The following SLC36A1 variants were observed in gnomAD, a reference collection of about 807,000 sequenced individuals.
SLC36A1 encodes the protein solute carrier family 36 member 1.
SLC36A1 carries 30 observed loss-of-function variants against 47.5 expected under a neutral mutation model. The observed-to-expected ratio is 0.63, with a 90% confidence interval of 0.47 to 0.86. The LOEUF (loss-of-function observed/expected upper bound fraction) is 0.86. SLC36A1 is among the 40% of genes least tolerant of loss of function. The pLI is 0.00. For missense variants in SLC36A1, 517 were observed against 606.0 expected, an observed-to-expected ratio of 0.85 and a Z score of 1.54; for synonymous variants, 255 against 249.7, an observed-to-expected ratio of 1.02 and a Z score of -0.20.
the SLC36A1 span, among the ~76,000 whole-genome samples, chr5:151,367,836 G>A: frequency 1.4e-3 from 206 of 152,304 alleles, no homozygotes; most frequent in Non-Finnish European, 2.3e-3. Flanking sequence ...TCCCGTAACA[G>A]TAGAACATTT....
the SLC36A1 span, among the ~76,000 whole-genome samples, chr5:151,384,972 ATGTGTGTG>A: frequency 7.0e-6 from 1 of 142,190 alleles, no homozygotes; most frequent in Non-Finnish European, 1.5e-5. Context: ...TGAGGTGTGT[ATGTGTGTG>A]TGTGTGGGTG....
intron 10 of SLC36A1, among the ~76,000 whole-genome samples, chr5:151,481,435 T>G (rs1356261263): frequency 2.6e-5 from 4 of 152,262 alleles, no homozygotes; most frequent in Non-Finnish European, 5.9e-5. Context: ...GTTCATTTTG[T>G]TCTTGCTTCT....
rs34668619 is a variant in SLC36A1, at chr5:151,476,595, G to T, written c.828G>T (p.Leu276=). The change falls in exon 9 of 11, where the codon CTG becomes CTT. Residue 276 remains leucine (L), a synonymous_variant. Transcript: ENST00000243389. ...CTCTCACTACTCTCTCATAGGTTCT[G>T]CCCCTGGAAAACAAAATGAAGGATC... ...IFSFEGIGMV[L]PLENKMKDPR... The T allele has an allele frequency of 4.1e-4, 646 of 1,581,576 alleles. 3 individuals are homozygous for T. In the African/African-American group the frequency reaches 8.1e-3, roughly 20 times the overall value.
chr5:151,493,517 C>T (rs1258402811), downstream of SLC36A1, among the ~76,000 whole-genome samples: 1 of 152,188 alleles, frequency 6.6e-6, no homozygotes, highest in Non-Finnish European at 1.5e-5. Flanking sequence ...TAGAGTAGCT[C>T]ATAGAACTCA....
At chr5:151,416,661 A>T in the SLC36A1 span, among the ~76,000 whole-genome samples, 2 of 145,504 alleles carry the variant, frequency 1.4e-5, no homozygotes, top group Non-Finnish European at 3.1e-5. Context: ...TCAGGGTGTC[A>T]GGGTGTCCCC....
chr5:151,369,756 A>G, the SLC36A1 span, among the ~76,000 whole-genome samples: 7 of 152,226 alleles, frequency 4.6e-5, no homozygotes, highest in African/African-American at 1.7e-4. Flanking sequence ...TGTTGGGATT[A>G]CAGGCATAAG....
At chr5:151,472,449 A>G (rs1324801843) in intron 7 of SLC36A1, among the ~76,000 whole-genome samples, 1 of 152,250 alleles carries the variant, frequency 6.6e-6, no homozygotes, top group Admixed American at 6.5e-5. Flanking sequence ...CGCAGGAACA[A>G]TACTTTGCCT....
At chr5:151,516,494 C>T in the SLC36A1 span, among the ~76,000 whole-genome samples, 105 of 152,176 alleles carry the variant, frequency 6.9e-4, no homozygotes, top group African/African-American at 2.4e-3. Context: ...CCAGCCTGGG[C>T]GACAGAGTGA....
the SLC36A1 span, among the ~76,000 whole-genome samples, chr5:151,540,932 A>G: frequency 1.3e-5 from 2 of 152,240 alleles, no homozygotes; most frequent in African/African-American, 2.4e-5. Flanking sequence ...TTTTGGTGTT[A>G]TGAAGCTACT....
chr5:151,514,938 C>G, the SLC36A1 span, among the ~76,000 whole-genome samples: 1 of 152,186 alleles, frequency 6.6e-6, no homozygotes, highest in Non-Finnish European at 1.5e-5. Context: ...TTGCTCTAAT[C>G]TTTATTTTCA....
chr5:151,346,034 C>T, the SLC36A1 span, among the ~76,000 whole-genome samples: 2 of 152,244 alleles, frequency 1.3e-5, no homozygotes, highest in African/African-American at 4.8e-5. Flanking sequence ...ATCGTTGCCA[C>T]GCTTACTCAG....
the SLC36A1 span, chr5:151,521,494 G>A: frequency 6.2e-7 from 1 of 1,614,236 alleles, no homozygotes; most frequent in Non-Finnish European, 8.5e-7. Flanking sequence ...GATGATGGAT[G>A]CTAGCTCCTG....
chr5:151,453,627 A>G (rs1034558728), intron 1 of SLC36A1, among the ~76,000 whole-genome samples: 1 of 152,178 alleles, frequency 6.6e-6, no homozygotes, highest in African/African-American at 2.4e-5. Context: ...GAAATCATCT[A>G]ATGCAGTTTT....
downstream of SLC36A1, among the ~76,000 whole-genome samples, chr5:151,497,350 A>T (rs1033537870): frequency 7.2e-5 from 11 of 152,196 alleles, no homozygotes; most frequent in African/African-American, 2.7e-4. Context: ...ATATGATCGT[A>T]TAGTTTTTCT....
the SLC36A1 span, chr5:151,531,705 G>T: frequency 6.2e-7 from 1 of 1,613,742 alleles, no homozygotes; most frequent in Admixed American, 1.7e-5. This position sits in a 1 kb window ranked among gnomAD's most constrained non-coding sequence, Gnocchi z 5.7. Context: ...TGCCAGGTGG[G>T]GCGTCCTCGG....
the SLC36A1 span, chr5:151,510,353 G>T: frequency 3.8e-5 from 24 of 626,148 alleles, no homozygotes; most frequent in Non-Finnish European, 6.0e-5. Flanking sequence ...GAGCACTTTG[G>T]TCCCTGCCCT....
Position 151,492,268 on chromosome 5 carries a change from T to C in SLC36A1, c.*4014T>C. 6.6e-6 allele frequency: 1 copy of C among 152,212 alleles called. No homozygotes were observed. The highest frequency in any genetic ancestry group is 1.5e-5 in the Non-Finnish European group (1 of 68,044). 9.4% of individuals were successfully genotyped at this position (152,212 alleles called of 1,614,324 possible). A position where few individuals can be genotyped will look rare whatever the true frequency, so the allele number is the denominator to read the frequency against. On this transcript the variant is annotated 3_prime_UTR_variant, in exon 11 of 11. Coordinates refer to ENST00000243389, the MANE Select transcript of SLC36A1 (RefSeq NM_078483.4). ...GTGGATGTGCACTTCCAGCATGGTA[T>C]GTGTAGCGATGTGGATCATGCCAGA...
chr5:151,467,089 C>T, intron 5 of SLC36A1, 110 bp from the exon 6 acceptor site: 2 of 800,466 alleles, frequency 2.5e-6, no homozygotes, highest in Non-Finnish European at 4.1e-6. Flanking sequence ...CAAAACAGCA[C>T]TTGTACTCCC....
chr5:151,428,321 G>T, the SLC36A1 span, among the ~76,000 whole-genome samples: 1 of 152,178 alleles, frequency 6.6e-6, no homozygotes, highest in Non-Finnish European at 1.5e-5. Flanking sequence ...GTGACCTCAT[G>T]ATATTGTCCC....
Sources: gnomAD v4.1 joint callset for allele counts (sites outside exome capture counted in the v4.1 genomes callset) on GRCh38, gnomAD v4.1.1 for gene constraint, Gnocchi (gnomAD v3.1) non-coding constraint, MANE v1.5 for transcripts, NCBI Gene and HGNC (gene_info 2026-07-23, HGNC 2026-07-21) for gene names.